The following SLC44A1 variants were observed in gnomAD, a reference collection of about 807,000 sequenced individuals.
The protein encoded by SLC44A1 is choline transporter-like protein 1.
Under a neutral mutation model 79.3 loss-of-function variants are expected in SLC44A1, and 26 were observed. The ratio of observed to expected loss-of-function variants is 0.33; its 90% CI spans 0.24 to 0.46. The LOEUF is 0.46. SLC44A1 is among the 20% of genes least tolerant of loss of function. The pLI, the probability that SLC44A1 is intolerant of heterozygous loss-of-function variation, is 1.00. For synonymous variants in SLC44A1, 263 were observed against 286.2 expected (o/e 0.92, Z 0.82); for missense variants, 688 against 798.1 (o/e 0.86, Z 1.66).
intron 15 of SLC44A1, among the ~76,000 whole-genome samples, chr9:105,435,537 AG>A (rs1221919056): frequency 2.6e-5 from 4 of 152,242 alleles, no homozygotes; most frequent in Non-Finnish European, 5.9e-5. Flanking sequence ...TCGACTGATT[AG>A]TTAGGGCAGG....
chr9:105,314,220 G>C (rs968508725), intron 3 of SLC44A1, among the ~76,000 whole-genome samples: 1 of 152,124 alleles, frequency 6.6e-6, no homozygotes, highest in Non-Finnish European at 1.5e-5. Context: ...TTTGCCTCTG[G>C]GGAGAAGATT....
chr9:105,311,172 G>A (rs776563321), intron 3 of SLC44A1, among the ~76,000 whole-genome samples: 2 of 151,986 alleles, frequency 1.3e-5, no homozygotes, highest in Non-Finnish European at 2.9e-5. Context: ...GTTATTTCTT[G>A]TAGCAAGACT....
At chr9:105,408,801 A>T (rs940916452) in intron 15 of SLC44A1, among the ~76,000 whole-genome samples, 16 of 152,198 alleles carry the variant, frequency 1.1e-4, no homozygotes, top group Non-Finnish European at 2.9e-5. Flanking sequence ...ATGTATAAAG[A>T]TATAATGTAT....
At chr9:105,249,974 TC>T (rs886538068) in intron 1 of SLC44A1, among the ~76,000 whole-genome samples, 1 of 150,890 alleles carries the variant, frequency 6.6e-6, no homozygotes, top group Non-Finnish European at 1.5e-5. Context: ...GCTCAAGTGA[TC>T]CTCCCACCTC....
intron 1 of SLC44A1, among the ~76,000 whole-genome samples, chr9:105,270,275 G>T (rs1244055016): frequency 1.3e-5 from 2 of 152,080 alleles, no homozygotes; most frequent in Non-Finnish European, 2.9e-5. Flanking sequence ...ACTGTCTGTA[G>T]TCTTTCTTTA....
intron 1 of SLC44A1, among the ~76,000 whole-genome samples, chr9:105,263,598 G>A (rs191746241): frequency 4.0e-4 from 60 of 149,714 alleles, no homozygotes; most frequent in African/African-American, 9.9e-4. Context: ...GTGCAATGGC[G>A]CGATCTTGGC....
At chr9:105,318,027 C>T (rs960564082) in intron 3 of SLC44A1, among the ~76,000 whole-genome samples, 20 of 152,294 alleles carry the variant, frequency 1.3e-4, no homozygotes, top group Non-Finnish European at 1.5e-5. Context: ...GTCACTCCCA[C>T]TTTAGCATAA....
intron 15 of SLC44A1, among the ~76,000 whole-genome samples, chr9:105,419,494 A>G (rs1344948253): frequency 5.9e-5 from 9 of 152,228 alleles, no homozygotes; most frequent in South Asian, 2.1e-4. Flanking sequence ...TTGAACATCT[A>G]TATTCCGAGA....
At chr9:105,297,456 T>TTACCACAACCTCCGCCTCCCGGG (rs1830754091) in intron 1 of SLC44A1, among the ~76,000 whole-genome samples, 2 of 152,314 alleles carry the variant, frequency 1.3e-5, no homozygotes, top group African/African-American at 4.8e-5. Context: ...CGATTTTGGC[T>TTACCACAACCTCCGCCTCCCGGG]TACCACAACC....
chr9:105,304,944 GTTTTTTTTTTTTTTTTTTTT>G (rs10589897), intron 2 of SLC44A1, among the ~76,000 whole-genome samples: 12 of 20,084 alleles, frequency 6.0e-4, no homozygotes, highest in African/African-American at 1.1e-3. Flanking sequence ...ACTTTCTATC[GTTTTTTTTTTTTTTTTTTTT>G]TTTTTTTTTT....
chr9:105,329,873 C>T (rs1187706371), intron 3 of SLC44A1, among the ~76,000 whole-genome samples: 1 of 152,070 alleles, frequency 6.6e-6, no homozygotes, highest in African/African-American at 2.4e-5. Flanking sequence ...GATACTGCCT[C>T]CTCCTCCTTA....
intron 1 of SLC44A1, among the ~76,000 whole-genome samples, chr9:105,297,959 C>T (rs977107942): frequency 2.0e-5 from 3 of 152,014 alleles, no homozygotes; most frequent in African/African-American, 4.8e-5. Context: ...CCAAGGATAC[C>T]TTCTTTCTCC....
intron 4 of SLC44A1, among the ~76,000 whole-genome samples, chr9:105,337,911 G>C (rs890643454): frequency 6.6e-6 from 1 of 152,190 alleles, no homozygotes; most frequent in African/African-American, 2.4e-5. Context: ...TAGTTAAGAA[G>C]ACCCTCCTGG....
At chr9:105,316,756 TG>T (rs1466949450) in intron 3 of SLC44A1, among the ~76,000 whole-genome samples, 1 of 152,158 alleles carries the variant, frequency 6.6e-6, no homozygotes, top group Non-Finnish European at 1.5e-5. Context: ...AACAGCAGGC[TG>T]GTGGGGAGAG....
downstream of SLC44A1, among the ~76,000 whole-genome samples, chr9:105,400,213 G>A (rs147265674): frequency 4.4e-3 from 655 of 150,052 alleles, 4 homozygotes; most frequent in Middle Eastern, 7.4e-3. Flanking sequence ...AAAGAAGGCT[G>A]GGCGCGGTGG....
Position 105,393,131 on chromosome 9 carries a change from G to A in SLC44A1, c.*4075G>A, listed in dbSNP as rs528054751. ...GTCTGTGAATGTATATTGAAAAAAT[G>A]TGGGTTCATAAGTAAAAGCGTAACG... On this transcript the variant is annotated 3_prime_UTR_variant, in exon 16 of 16. Transcript: ENST00000374720. 3.5e-4 allele frequency: 341 copies of A among 985,448 alleles called. No homozygotes were observed. The highest frequency in any genetic ancestry group is 3.0e-3 in the Admixed American group (49 of 16,292). The allele number at this position is 985,448 out of a possible 1,614,324, so 61.0% of individuals were successfully genotyped here. A position where few individuals can be genotyped will look rare whatever the true frequency, so the allele number is the denominator to read the frequency against.
At chr9:105,384,114 A>G (rs1055254965) in intron 14 of SLC44A1, among the ~76,000 whole-genome samples, 1 of 152,212 alleles carries the variant, frequency 6.6e-6, no homozygotes, top group African/African-American at 2.4e-5. Flanking sequence ...ACATTGAAAT[A>G]ACAAGTCATT....
rs34048538 is a variant in SLC44A1, at chr9:105,390,430, C to CAAAAAAAAAAAAAA, written c.*1382_*1395dup. On this transcript the variant is annotated 3_prime_UTR_variant, in exon 16 of 16. Transcript: ENST00000374720. ...TATTGCACTAAATACAGGCTCTGTA[C>CAAAAAAAAAAAAAA]AAAAAAAAAAAAAAAAAAAAAGCCT... 1 of 688,814 alleles carries CAAAAAAAAAAAAAA rather than the reference C, an allele frequency of 1.5e-6. No individual in the cohort carries two copies. The highest frequency in any genetic ancestry group is 1.7e-6 in the Non-Finnish European group (1 of 594,728). 42.7% of individuals were successfully genotyped at this position (688,814 alleles called of 1,614,324 possible). A position where few individuals can be genotyped will look rare whatever the true frequency, so the allele number is the denominator to read the frequency against.
At chr9:105,263,871 A>G (rs1829899440) in intron 1 of SLC44A1, among the ~76,000 whole-genome samples, 1 of 152,058 alleles carries the variant, frequency 6.6e-6, no homozygotes, top group African/African-American at 2.4e-5. Context: ...AAGCATTTCT[A>G]GGGCTTGTTA....
Sources: gnomAD v4.1 joint callset for allele counts (sites outside exome capture counted in the v4.1 genomes callset) on GRCh38, gnomAD v4.1.1 for gene constraint, MANE v1.5 for transcripts, NCBI Gene and HGNC (gene_info 2026-07-23, HGNC 2026-07-21) for gene names.